The following PTPRR variants were observed in gnomAD, a reference collection of about 807,000 sequenced individuals.
PTPRR encodes the protein receptor-type tyrosine-protein phosphatase R.
Under a neutral mutation model 77.2 loss-of-function variants are expected in PTPRR, and 38 were observed. The ratio of observed to expected loss-of-function variants is 0.49; its 90% CI spans 0.38 to 0.65. The LOEUF is 0.65. Ranked by LOEUF, PTPRR falls within the 30% of genes least tolerant of loss-of-function variation. The pLI is 0.00. For missense variants in PTPRR, 744 were observed against 799.2 expected (o/e 0.93, Z 0.83); for synonymous variants, 299 against 283.1 (o/e 1.06, Z -0.57).
intron 2 of PTPRR, among the ~76,000 whole-genome samples, chr12:70,800,346 A>C (rs1215350357): frequency 6.6e-6 from 1 of 151,948 alleles, no homozygotes; most frequent in Non-Finnish European, 1.5e-5. Context: ...TATGGTATCA[A>C]AGAGAAACAG....
At chr12:70,779,034 G>T (rs1354125159) in intron 2 of PTPRR, among the ~76,000 whole-genome samples, 1 of 152,122 alleles carries the variant, frequency 6.6e-6, no homozygotes, top group Non-Finnish European at 1.5e-5. Context: ...TTTTAGTAGA[G>T]ACAGGGTTTC....
intron 6 of PTPRR, among the ~76,000 whole-genome samples, chr12:70,709,733 A>G (rs1053918891): frequency 6.6e-6 from 1 of 152,174 alleles, no homozygotes; most frequent in South Asian, 2.1e-4. Context: ...ATGAACTCCC[A>G]TTCACAATTG....
intron 6 of PTPRR, among the ~76,000 whole-genome samples, chr12:70,729,255 T>A (rs1247153118): frequency 6.6e-6 from 1 of 152,184 alleles, no homozygotes; most frequent in Non-Finnish European, 1.5e-5. Flanking sequence ...GTTATACATG[T>A]TTGCATATAT....
In PTPRR at chr12:70,842,862, T is replaced by C. The variant is rs945182636; in HGVS notation, c.357+49817A>G. Among the ~76,000 whole-genome samples, 4 of 152,324 alleles carry C rather than the reference T, an allele frequency of 2.6e-5. No homozygotes were observed. In the East Asian group the frequency reaches 7.7e-4, roughly 29 times the overall value. ...TTTTTGGCCTACCACAGCAAGACAT[T>C]TAAAACTGTTTTGCTTGAAATCTAG... On this transcript the variant is annotated intron_variant, in intron 2 of 13. Coordinates refer to ENST00000283228, the MANE Select transcript of PTPRR (RefSeq NM_002849.4).
At chr12:70,658,758 A>T (rs913053426) in intron 12 of PTPRR, among the ~76,000 whole-genome samples, 9 of 151,510 alleles carry the variant, frequency 5.9e-5, no homozygotes, top group Non-Finnish European at 1.3e-4. Flanking sequence ...GATGAAGACT[A>T]TAAGCTTCCA....
chr12:70,754,622 TG>T (rs1890513249), intron 4 of PTPRR: 2 of 1,597,948 alleles, frequency 1.3e-6, no homozygotes, highest in Non-Finnish European at 8.5e-7. Flanking sequence ...CTTTTCTGTG[TG>T]GAGGAAATTG....
chr12:70,716,126 C>T (rs534875565), intron 6 of PTPRR, among the ~76,000 whole-genome samples: 8 of 152,226 alleles, frequency 5.3e-5, no homozygotes, highest in South Asian at 2.1e-4. Flanking sequence ...CCTGACTTCC[C>T]GCAACCTTAC....
intron 2 of PTPRR, among the ~76,000 whole-genome samples, chr12:70,887,299 A>G (rs1220601695): frequency 6.6e-6 from 1 of 152,042 alleles, no homozygotes; most frequent in Non-Finnish European, 1.5e-5. Context: ...AAAATACAAA[A>G]AATTTAGCTG....
intron 10 of PTPRR, chr12:70,672,557 T>G: frequency 7.4e-7 from 1 of 1,355,138 alleles, no homozygotes; most frequent in Non-Finnish European, 1.0e-6. Flanking sequence ...TTCAACACCT[T>G]CTACCCTCTG....
At chr12:70,711,132 A>G (rs1165927365) in intron 6 of PTPRR, among the ~76,000 whole-genome samples, 1 of 152,182 alleles carries the variant, frequency 6.6e-6, no homozygotes, top group Non-Finnish European at 1.5e-5. Context: ...AAGACACGGA[A>G]TCAACATAAA....
chr12:70,757,574 C>T (rs1236956253), intron 4 of PTPRR, among the ~76,000 whole-genome samples: 1 of 151,966 alleles, frequency 6.6e-6, no homozygotes, highest in Non-Finnish European at 1.5e-5. Flanking sequence ...TAAACAAGAA[C>T]AGTTTTCTAG....
intron 1 of PTPRR, among the ~76,000 whole-genome samples, chr12:70,905,516 T>C (rs1249779481): frequency 6.6e-6 from 1 of 151,898 alleles, no homozygotes; most frequent in Admixed American, 6.6e-5. Context: ...AAACAACATT[T>C]ACATGAAAAT....
At chr12:70,873,590 T>C (rs1892998618) in intron 2 of PTPRR, among the ~76,000 whole-genome samples, 1 of 152,140 alleles carries the variant, frequency 6.6e-6, no homozygotes, top group African/African-American at 2.4e-5. Context: ...GATGAATCTA[T>C]GGAACAAAAA....
chr12:70,786,957 G>A (rs1891335315), intron 2 of PTPRR, among the ~76,000 whole-genome samples: 1 of 152,158 alleles, frequency 6.6e-6, no homozygotes, highest in Non-Finnish European at 1.5e-5. Context: ...GTTTTAGCTA[G>A]TGTTTTTGTG....
At chr12:70,650,741 C>T (rs1886365908) in intron 13 of PTPRR, among the ~76,000 whole-genome samples, 1 of 152,156 alleles carries the variant, frequency 6.6e-6, no homozygotes, top group African/African-American at 2.4e-5. Context: ...TCTCAGATGC[C>T]TGTTCCACAG....
At chr12:70,749,541 A>G (rs1408989661) in intron 5 of PTPRR, among the ~76,000 whole-genome samples, 2 of 152,220 alleles carry the variant, frequency 1.3e-5, no homozygotes, top group African/African-American at 4.8e-5. Context: ...ATATATGCCT[A>G]CCTAACCAAT....
chr12:70,664,584 G>C (rs1017718710), intron 10 of PTPRR: 8 of 152,280 alleles, frequency 5.3e-5, no homozygotes, highest in Non-Finnish European at 8.8e-5. Context: ...AGTAAGAAAA[G>C]CTGCAAAGCA....
At chr12:70,709,381 G>A (rs551843173) in intron 6 of PTPRR, among the ~76,000 whole-genome samples, 5 of 152,070 alleles carry the variant, frequency 3.3e-5, no homozygotes, top group Non-Finnish European at 5.9e-5. Context: ...GGCAAAAGCC[G>A]GAAGCATTCC....
chr12:70,920,459 A>G lies in PTPRR; in HGVS notation c.-69T>C. 2.0e-6 allele frequency: 3 copies of G among 1,472,368 alleles called. No individual in the cohort carries two copies. The highest frequency in any genetic ancestry group is 2.3e-5 in the East Asian group (1 of 42,618). 91.2% of individuals were successfully genotyped at this position (1,472,368 alleles called of 1,614,324 possible). A position where few individuals can be genotyped will look rare whatever the true frequency, so the allele number is the denominator to read the frequency against. ...CACTTCAGGTAAAGTGCTATTAGAA[A>G]GAGCCACCGCCAAGGGTCTTCTAGT... On this transcript the variant is annotated 5_prime_UTR_variant, in exon 1 of 14. Coordinates refer to ENST00000283228, the MANE Select transcript of PTPRR (RefSeq NM_002849.4).
Sources: allele counts gnomAD v4.1 joint callset (sites outside exome capture counted in the v4.1 genomes callset), GRCh38; gene constraint gnomAD v4.1.1; transcripts MANE v1.5; gene names NCBI Gene and HGNC (gene_info 2026-07-23, HGNC 2026-07-21).